The following ADCY5 variants were observed in gnomAD, a reference collection of about 807,000 sequenced individuals.
The protein encoded by ADCY5 is adenylate cyclase type 5.
ADCY5 carries 30 observed loss-of-function variants against 119.7 expected under a neutral mutation model. The ratio of observed to expected loss-of-function variants is 0.25; its 90% CI spans 0.19 to 0.34. The LOEUF is 0.34. Ranked by LOEUF, ADCY5 falls within the 10% of genes least tolerant of loss-of-function variation. The pLI is 1.00. For synonymous variants in ADCY5, 753 were observed against 762.2 expected (o/e 0.99, Z 0.20); for missense variants, 1,324 against 1,775.2 (o/e 0.75, Z 4.57).
In ADCY5 at chr3:123,448,513, G is replaced by A; in HGVS notation, c.33C>T (p.Gly11=). 7.9e-7 allele frequency: 1 copy of A among 1,265,282 alleles called. No homozygotes were observed. The highest frequency in any genetic ancestry group is 9.9e-7 in the Non-Finnish European group (1 of 1,006,704). The allele number at this position is 1,265,282 out of a possible 1,614,324, so 78.4% of individuals were successfully genotyped here. Reference sequence around the variant, plus strand: ...GCGCCGCAGTCTTCTGCGCCGCGTAGCCCGGGGGGCTCACGCTTTTGGAGC... The same window carrying A: ...GCGCCGCAGTCTTCTGCGCCGCGTAACCCGGGGGGCTCACGCTTTTGGAGC... MSGSKSVSPP[G]YAAQKTAAPA... Residue 11 remains glycine (G), a synonymous_variant, in exon 1 of 21, where the codon GGC becomes GGT. Transcript: ENST00000462833.
chr3:123,441,235 A>C (rs1945716396), intron 1 of ADCY5, among the ~76,000 whole-genome samples: 1 of 152,154 alleles, frequency 6.6e-6, no homozygotes, highest in South Asian at 2.1e-4. Context: ...CCTACCCTAG[A>C]CCTTTGGAAG....
intron 14 of ADCY5, among the ~76,000 whole-genome samples, chr3:123,301,470 G>A (rs1662394135): frequency 6.6e-6 from 1 of 152,198 alleles, no homozygotes; most frequent in Non-Finnish European, 1.5e-5. Flanking sequence ...GGAGGGATGG[G>A]AGCTCCAAAA....
chr3:123,413,021 C>T (rs1408124140), intron 1 of ADCY5, among the ~76,000 whole-genome samples: 2 of 152,174 alleles, frequency 1.3e-5, no homozygotes, highest in East Asian at 1.9e-4. Context: ...GTCACGGAGC[C>T]CCCTGGAGAC....
At chr3:123,308,792 G>T (rs1280546042) in intron 12 of ADCY5, among the ~76,000 whole-genome samples, 2 of 152,160 alleles carry the variant, frequency 1.3e-5, no homozygotes, top group Non-Finnish European at 2.9e-5. Flanking sequence ...TCGTGCCACT[G>T]CACTCCAGCC....
chr3:123,371,105 G>A (rs1943624645), intron 1 of ADCY5, among the ~76,000 whole-genome samples: 6 of 152,144 alleles, frequency 3.9e-5, no homozygotes, highest in African/African-American at 9.7e-5. Context: ...AACAAACAGC[G>A]GCCCAGAGGA....
chr3:123,342,596 C>T (rs1314982404), intron 3 of ADCY5, among the ~76,000 whole-genome samples: 2 of 152,136 alleles, frequency 1.3e-5, no homozygotes, highest in South Asian at 4.2e-4. Context: ...ACCCTGGGGC[C>T]CTGCGGGGAA....
At chr3:123,345,795 C>CACACACACACACAG in intron 3 of ADCY5, among the ~76,000 whole-genome samples, 1 of 151,576 alleles carries the variant, frequency 6.6e-6, no homozygotes, top group Non-Finnish European at 1.5e-5. Context: ...CACACACACA[C>CACACACACACACAG]AGGAAACCAA....
chr3:123,296,959 C>T, intron 16 of ADCY5: 1 of 1,533,402 alleles, frequency 6.5e-7, no homozygotes. Context: ...GGACGGGTCC[C>T]ACAAGCACTG....
At chr3:123,401,855 T>C (rs963836076) in intron 1 of ADCY5, among the ~76,000 whole-genome samples, 1 of 152,132 alleles carries the variant, frequency 6.6e-6, no homozygotes, top group Non-Finnish European at 1.5e-5. Flanking sequence ...CTTAGAAATA[T>C]ACCGAAAGAC....
intron 3 of ADCY5, among the ~76,000 whole-genome samples, chr3:123,336,951 G>A (rs1038204620): frequency 1.1e-4 from 16 of 152,186 alleles, no homozygotes; most frequent in South Asian, 6.2e-4. Context: ...TGACTTAATC[G>A]TCTGGGGTGG....
chr3:123,359,881 C>T (rs1332556691), intron 1 of ADCY5, among the ~76,000 whole-genome samples: 1 of 152,162 alleles, frequency 6.6e-6, no homozygotes, highest in East Asian at 1.9e-4. Context: ...TTCCTTCCTC[C>T]TACACTGGAT....
At chr3:123,422,713 G>A (rs1464480268) in intron 1 of ADCY5, among the ~76,000 whole-genome samples, 5 of 152,144 alleles carry the variant, frequency 3.3e-5, no homozygotes, top group African/African-American at 1.2e-4. Context: ...CCTCCTCCCA[G>A]ATCATAGGAT....
chr3:123,287,897 C>G (rs2108170544), intron 19 of ADCY5, among the ~76,000 whole-genome samples: 1 of 152,344 alleles, frequency 6.6e-6, no homozygotes, highest in East Asian at 1.9e-4. Flanking sequence ...CACTCAGTCC[C>G]CAGGCCTGAT....
In ADCY5 at chr3:123,352,536, C is replaced by T. The variant is rs371106059; in HGVS notation, c.1180G>A (p.Val394Ile). The change falls in exon 2 of 21, where the codon GTC becomes ATC. Residue 394 changes from valine to isoleucine, a missense_variant. Coordinates refer to ENST00000462833, the MANE Select transcript of ADCY5 (RefSeq NM_183357.3). The surrounding 1 kb of genome is among the most constrained non-coding windows in gnomAD (Gnocchi z 4.8). ...ACCTCAGCCGGATAGTGGGTGCAGA[C>T]ACCCACGATGTTGGTGCAGGAGAAA... ...LIFSCTNIVG[V>I]CTHYPAEVSQ... 3.1e-6 allele frequency: 5 copies of T among 1,613,744 alleles called. No homozygotes were observed. The highest frequency in any genetic ancestry group is 2.2e-5 in the East Asian group (1 of 44,882).
chr3:123,424,768 G>A (rs774890839), intron 1 of ADCY5, among the ~76,000 whole-genome samples: 2 of 152,076 alleles, frequency 1.3e-5, no homozygotes, highest in African/African-American at 2.4e-5. Context: ...GTGTGTGTGC[G>A]CGCATGCACG....
chr3:123,443,626 C>A (rs1223629466), intron 1 of ADCY5, among the ~76,000 whole-genome samples: 1 of 152,122 alleles, frequency 6.6e-6, no homozygotes, highest in Non-Finnish European at 1.5e-5. Flanking sequence ...ATCACTGGAA[C>A]AACTGGTGAC....
intron 3 of ADCY5, among the ~76,000 whole-genome samples, chr3:123,343,974 G>A (rs1942402511): frequency 6.6e-6 from 1 of 152,244 alleles, no homozygotes. Flanking sequence ...ACGGCCAGTG[G>A]TGGCTCAGCA....
rs1275377609 is a variant in ADCY5 at position 123,418,334 on chromosome 3, C to T, written c.1134+29078G>A. ...AATCAGCCAACTGAGTAAAGAAAAT[C>T]GCTGCCTTAGTACATTTTGTGTTGC... On this transcript the variant is annotated intron_variant, in intron 1 of 20. Transcript: ENST00000462833. Among the ~76,000 whole-genome samples the T allele has an allele frequency of 2.6e-5, 4 of 152,316 alleles. No individual in the cohort carries two copies. The South Asian group carries it at 6.2e-4, about 24-fold the overall frequency.
At chr3:123,376,977 C>G (rs1943857902) in intron 1 of ADCY5, among the ~76,000 whole-genome samples, 1 of 152,122 alleles carries the variant, frequency 6.6e-6, no homozygotes, top group African/African-American at 2.4e-5. Context: ...CTGAGCCAAA[C>G]AATGAGGAGA....
Sources: allele counts gnomAD v4.1 joint callset (sites outside exome capture counted in the v4.1 genomes callset), GRCh38; gene constraint gnomAD v4.1.1; non-coding constraint Gnocchi (gnomAD v3.1); transcripts MANE v1.5; gene names NCBI Gene and HGNC (gene_info 2026-07-23, HGNC 2026-07-21).